PIAS1: variants seen among roughly 807,000 people sequenced by gnomAD.
PIAS1 encodes protein inhibitor of activated STAT 1.
A neutral mutation model predicts 71.3 loss-of-function variants in PIAS1; 6 were observed. That is an observed-to-expected ratio of 0.08 (90% CI 0.05 to 0.17). The LOEUF is 0.17. Ranked by LOEUF, PIAS1 falls within the 10% of genes least tolerant of loss-of-function variation. PIAS1 has a pLI of 1.00. For synonymous variants in PIAS1, 303 were observed against 292.9 expected, an observed-to-expected ratio of 1.03 and a Z score of -0.35; for missense variants, 555 against 793.6, an observed-to-expected ratio of 0.70 and a Z score of 3.61.
In PIAS1 at chr15:68,145,432, A is replaced by G. The variant is rs980238076; in HGVS notation, c.603-384A>G. On this transcript the variant is annotated intron_variant, in intron 4 of 13. Coordinates refer to ENST00000249636, the MANE Select transcript of PIAS1 (RefSeq NM_016166.3). ...TTATTAGCCTATTAAAAGCTCTGAA[A>G]AGTTCTGTATTAAGGAAGCTTAATT... Among the ~76,000 whole-genome samples, 30 of 152,304 alleles carry G rather than the reference A, an allele frequency of 2.0e-4. 2 individuals carry two copies. The East Asian group carries it at 2.1e-3, about 11-fold the overall frequency.
chr15:68,061,415 A>G (rs1265565781), intron 1 of PIAS1: 3 of 152,242 alleles, frequency 2.0e-5, no homozygotes, highest in Non-Finnish European at 4.4e-5. Flanking sequence ...ACATGAAAAG[A>G]AAATTCCCTA....
At chr15:68,113,389 A>G (rs1173747459) in intron 2 of PIAS1, among the ~76,000 whole-genome samples, 2 of 152,180 alleles carry the variant, frequency 1.3e-5, no homozygotes, top group Non-Finnish European at 2.9e-5. Context: ...CAATATCCCA[A>G]TTATAGTCTG....
chr15:68,098,096 A>G (rs968080385), intron 2 of PIAS1, among the ~76,000 whole-genome samples: 2 of 152,290 alleles, frequency 1.3e-5, no homozygotes, highest in Middle Eastern at 3.4e-3. Flanking sequence ...TGTATAGTTG[A>G]CCCTTGAACA....
intron 2 of PIAS1, among the ~76,000 whole-genome samples, chr15:68,099,516 A>G (rs556861900): frequency 2.6e-5 from 4 of 152,002 alleles, no homozygotes; most frequent in Non-Finnish European, 4.4e-5. Flanking sequence ...CGAATTATTT[A>G]AGAGCATTTT....
At chr15:68,141,171 C>T (rs1404316754) in intron 2 of PIAS1, among the ~76,000 whole-genome samples, 3 of 152,050 alleles carry the variant, frequency 2.0e-5, no homozygotes, top group Non-Finnish European at 4.4e-5. Flanking sequence ...TGTACTCCAG[C>T]CTGGGCAACA....
chr15:68,055,750 T>C (rs2091889124), intron 1 of PIAS1: 1 of 527,780 alleles, frequency 1.9e-6, no homozygotes, highest in South Asian at 3.0e-5. Flanking sequence ...TTATAATAAA[T>C]AAAAATTATT....
chr15:68,083,666 A>G (rs1213164459), intron 1 of PIAS1, among the ~76,000 whole-genome samples: 2 of 152,226 alleles, frequency 1.3e-5, no homozygotes, highest in Non-Finnish European at 1.5e-5. Context: ...GTTGCATGAC[A>G]TTCAACACGT....
intron 7 of PIAS1, among the ~76,000 whole-genome samples, chr15:68,159,275 CTTTAT>C (rs2092909959): frequency 6.6e-6 from 1 of 152,010 alleles, no homozygotes; most frequent in Admixed American, 6.6e-5. Flanking sequence ...TCTACTTTTA[CTTTAT>C]TTTTTCTTCA....
Position 68,086,338 on chromosome 15 carries a change from C to G in PIAS1, c.57C>G (p.Leu19=), listed in dbSNP as rs1200059523. The G allele has an allele frequency of 6.2e-7, 1 of 1,610,808 alleles. No individual in the cohort carries two copies. The highest frequency in any genetic ancestry group is 8.5e-7 in the Non-Finnish European group (1 of 1,178,322). ...TTATGAGCCTTAGAGTTTCTGAACTCCAAGTACTGTTGGGCTACGCCGGGA... is the reference window on the plus strand; with the variant it reads ...TTATGAGCCTTAGAGTTTCTGAACTGCAAGTACTGTTGGGCTACGCCGGGA... ...QMVMSLRVSE[L]QVLLGYAGRN... The change falls in exon 2 of 14, where the codon CTC becomes CTG. Residue 19 remains leucine, a synonymous_variant. Coordinates refer to ENST00000249636, the MANE Select transcript of PIAS1 (RefSeq NM_016166.3). The surrounding 1 kb of genome is among the most constrained non-coding windows in gnomAD (Gnocchi z 7.2).
chr15:68,073,179 C>T (rs1294667208), intron 1 of PIAS1, among the ~76,000 whole-genome samples: 1 of 152,090 alleles, frequency 6.6e-6, no homozygotes, highest in Non-Finnish European at 1.5e-5. Flanking sequence ...CCACGCCCGG[C>T]TCATTTTTTT....
intron 2 of PIAS1, among the ~76,000 whole-genome samples, chr15:68,139,676 T>G (rs1428736979): frequency 1.3e-5 from 2 of 152,184 alleles, no homozygotes; most frequent in African/African-American, 4.8e-5. Flanking sequence ...AATAAGAGTT[T>G]AAAAAGATTA....
chr15:68,165,311 G>A (rs952534548), intron 8 of PIAS1, among the ~76,000 whole-genome samples: 2 of 151,970 alleles, frequency 1.3e-5, no homozygotes, highest in African/African-American at 4.8e-5. Flanking sequence ...AGTAGAGATG[G>A]GGTTTCTCCA....
intron 2 of PIAS1, among the ~76,000 whole-genome samples, chr15:68,139,524 G>A (rs1185233283): frequency 6.6e-6 from 1 of 152,120 alleles, no homozygotes; most frequent in African/African-American, 2.4e-5. Flanking sequence ...CCAGTACAAA[G>A]AAATGGTAAA....
intron 2 of PIAS1, 88 bp from the exon 3 acceptor site, chr15:68,141,858 A>C (rs1203948421): frequency 7.1e-5 from 55 of 775,526 alleles, no homozygotes; most frequent in Non-Finnish European, 1.1e-4. Context: ...ATACCAGTTA[A>C]TTAAAGACAT....
intron 4 of PIAS1, among the ~76,000 whole-genome samples, chr15:68,145,380 G>T (rs771094400): frequency 6.6e-6 from 1 of 152,108 alleles, no homozygotes; most frequent in Non-Finnish European, 1.5e-5. Flanking sequence ...ACAGGTGGTA[G>T]GTCTTCCTCT....
At chr15:68,128,212 C>T (rs1398736434) in intron 2 of PIAS1, among the ~76,000 whole-genome samples, 1 of 152,154 alleles carries the variant, frequency 6.6e-6, no homozygotes, top group Non-Finnish European at 1.5e-5. Context: ...GCCGCCCATA[C>T]TAGAGTGCAG....
Position 68,120,199 on chromosome 15 carries a change from TCTTATA to T in PIAS1, c.470-21742_470-21737del, listed in dbSNP as rs149932218. ...ACTTTTACTTTCAACCAATTTGTGT[TCTTATA>T]CTTAAAGTGGATTTCTTAAAAACAG... is the stretch of plus-strand genomic sequence containing the variant. On this transcript the variant is annotated intron_variant, in intron 2 of 13. Transcript: ENST00000249636. Among the ~76,000 whole-genome samples, 302 of 152,270 alleles carry T rather than the reference TCTTATA, an allele frequency of 2.0e-3. 1 individual carries two copies. The highest frequency in any genetic ancestry group is 5.2e-3 in the South Asian group (25 of 4,828).
In PIAS1 at chr15:68,116,569, A is replaced by G. The variant is rs1595737614; in HGVS notation, c.470-25377A>G. Among the ~76,000 whole-genome samples, 5 of 152,038 alleles carry G rather than the reference A, an allele frequency of 3.3e-5. No homozygotes were observed. In the South Asian group the frequency reaches 1.0e-3, roughly 32 times the overall value. On this transcript the variant is annotated intron_variant, in intron 2 of 13. Coordinates refer to ENST00000249636, the MANE Select transcript of PIAS1 (RefSeq NM_016166.3). The stretch of plus-strand genomic sequence containing the variant: ...GATTTTTCTATATTTTTGTTTTTCA[A>G]TTTGATTATTTTCTGCTCTGATCTT...
At chr15:68,130,127 A>G (rs2092679899) in intron 2 of PIAS1, among the ~76,000 whole-genome samples, 1 of 152,092 alleles carries the variant, frequency 6.6e-6, no homozygotes, top group Non-Finnish European at 1.5e-5. Context: ...AAAATATTTC[A>G]TATACCCCAT....
Sources: allele counts gnomAD v4.1 joint callset (sites outside exome capture counted in the v4.1 genomes callset), GRCh38; gene constraint gnomAD v4.1.1; non-coding constraint Gnocchi (gnomAD v3.1); transcripts MANE v1.5; gene names NCBI Gene and HGNC (gene_info 2026-07-23, HGNC 2026-07-21).